Variants in ADAMTS9 observed in about 807,000 individuals in gnomAD.
ADAMTS9 encodes ADAM metallopeptidase with thrombospondin type 1 motif 9.
In ADAMTS9, 107 loss-of-function variants were observed where a neutral mutation model predicts 257.1. The observed-to-expected ratio is 0.42, with a 90% CI of 0.36 to 0.49. ADAMTS9 has a LOEUF of 0.49. Among genes scored for constraint, ADAMTS9 ranks in the 20% least tolerant of loss-of-function variants. The probability of loss-of-function intolerance (pLI) is 0.03; values close to 1 mark genes in which losing one functional copy is unlikely to be tolerated. For missense variants in ADAMTS9, 2,353 were observed against 2,469.1 expected, an observed-to-expected ratio of 0.95 and a Z score of 1.00; for synonymous variants, 982 against 880.9, an observed-to-expected ratio of 1.11 and a Z score of -2.03.
At position 64,686,453 on chromosome 3, in the gene ADAMTS9, C is replaced by G. The variant is rs944284478; in HGVS notation, c.516+115G>C. 12 of 1,353,468 alleles carry G rather than the reference C, an allele frequency of 8.9e-6. No homozygotes were observed. In the East Asian group the frequency reaches 1.5e-4, roughly 17 times the overall value. The allele number at this position is 1,353,468 out of a possible 1,614,324, so 83.8% of individuals were successfully genotyped here. A position where few individuals can be genotyped will look rare whatever the true frequency, so the allele number is the denominator to read the frequency against. On this transcript the variant is annotated intron_variant, in intron 2 of 39. Coordinates refer to ENST00000498707, the MANE Select transcript of ADAMTS9 (RefSeq NM_182920.2). This position sits in a 1 kb window ranked among gnomAD's most constrained non-coding sequence, Gnocchi z 4.6. ...CGAGTTTCTAGCTGATATTTAACGC[C>G]GGAGAGGAGCGGAGCCTCGCCACAG...
At chr3:64,602,878 C>T (rs2084490640) in intron 25 of ADAMTS9, among the ~76,000 whole-genome samples, 1 of 152,144 alleles carries the variant, frequency 6.6e-6, no homozygotes, top group South Asian at 2.1e-4. Flanking sequence ...GGAATAATCT[C>T]CATGAAGGTA....
At chr3:64,527,399 CT>C (rs1266149807) in intron 38 of ADAMTS9, among the ~76,000 whole-genome samples, 1 of 152,008 alleles carries the variant, frequency 6.6e-6, no homozygotes, top group African/African-American at 2.4e-5. Flanking sequence ...ACCAGCATAC[CT>C]TTGACTGGAG....
intron 26 of ADAMTS9, among the ~76,000 whole-genome samples, chr3:64,599,318 G>T (rs1459266018): frequency 2.6e-5 from 4 of 152,156 alleles, no homozygotes; most frequent in Non-Finnish European, 5.9e-5. Context: ...CAAAGTCCCT[G>T]TCCTCTTTAA....
intron 19 of ADAMTS9, among the ~76,000 whole-genome samples, chr3:64,617,717 T>C (rs556531487): frequency 4.9e-4 from 74 of 152,302 alleles, no homozygotes; most frequent in African/African-American, 1.7e-3. Context: ...CAAAAGGTTT[T>C]ATATATTACA....
At chr3:64,584,750 C>G (rs979064178) in intron 28 of ADAMTS9, among the ~76,000 whole-genome samples, 1 of 151,986 alleles carries the variant, frequency 6.6e-6, no homozygotes, top group Admixed American at 6.6e-5. Context: ...ACATTTGCTC[C>G]CCCCATCTCT....
At chr3:64,567,080 A>C (rs11922495) in intron 29 of ADAMTS9, among the ~76,000 whole-genome samples, 2,972 of 152,308 alleles carry the variant, frequency 0.02, 103 homozygotes, top group African/African-American at 0.068. Flanking sequence ...GCATGAGGCC[A>C]CTGCCCTGAG....
In ADAMTS9 at chr3:64,604,080, T is replaced by A; in HGVS notation, c.3589A>T (p.Thr1197Ser). The A allele has an allele frequency of 6.2e-7, 1 of 1,614,002 alleles. No homozygotes were observed. Among genetic ancestry groups the A allele is most frequent in the Non-Finnish European group, 8.5e-7 (1 of 1,179,964 alleles). Reference sequence around the variant, plus strand: ...CTCATCCGGGTACCTTTCCCACAAGTGGCTGAGCACTGGGTGTTGGAGTAA... The same window carrying A: ...CTCATCCGGGTACCTTTCCCACAAGAGGCTGAGCACTGGGTGTTGGAGTAA... ...RFGSWTPCSA[T>S]CGKGTRMRYV... The change falls in exon 25 of 40, where the codon ACT becomes TCT. Residue 1197 changes from threonine to serine, a missense_variant. Thr to Ser is a moderately conservative substitution (Grantham distance 58). Around this residue, in one of 3 missense-constraint regions of ADAMTS9, gnomAD observed 1,402 missense variants for 1,441.4 expected, o/e 0.97. Transcript: ENST00000498707.
chr3:64,537,663 G>C (rs769646109), intron 37 of ADAMTS9, among the ~76,000 whole-genome samples: 8 of 152,032 alleles, frequency 5.3e-5, no homozygotes, highest in Non-Finnish European at 1.2e-4. Context: ...ATCCTATGGA[G>C]ACAGGGCTTG....
intron 14 of ADAMTS9, among the ~76,000 whole-genome samples, chr3:64,632,605 T>C (rs906797833): frequency 3.9e-5 from 6 of 152,188 alleles, no homozygotes; most frequent in African/African-American, 1.4e-4. Context: ...CTCTGAAACA[T>C]ACACTGACAA....
At chr3:64,600,592 T>C (rs986244725) in intron 26 of ADAMTS9, among the ~76,000 whole-genome samples, 6 of 152,250 alleles carry the variant, frequency 3.9e-5, no homozygotes, top group African/African-American at 9.6e-5. Flanking sequence ...GTTTTGAATT[T>C]TGTCAACAAG....
At chr3:64,622,086 C>G in intron 18 of ADAMTS9, 112 bp downstream of exon 18, 1 of 1,120,136 alleles carries the variant, frequency 8.9e-7, no homozygotes, top group Non-Finnish European at 1.2e-6. Context: ...GATTAGAGAA[C>G]GTATGCAGAT....
intron 37 of ADAMTS9, 118 bp from the exon 38 acceptor site, chr3:64,533,388 G>T: frequency 1.3e-6 from 1 of 755,086 alleles, no homozygotes; most frequent in East Asian, 2.5e-5. Context: ...GATTAATTGT[G>T]ATAGCTACTA....
chr3:64,631,795 A>G lies in ADAMTS9; in HGVS notation c.2293+13T>C. Reference sequence around the variant, plus strand: ...CATATTCCTTCTCATGGTTCTTAGGAGCAGATTCTTACCATAATGTACTGT... The same window carrying G: ...CATATTCCTTCTCATGGTTCTTAGGGGCAGATTCTTACCATAATGTACTGT... On this transcript the variant is annotated intron_variant, in intron 15 of 39. Coordinates refer to ENST00000498707, the MANE Select transcript of ADAMTS9 (RefSeq NM_182920.2). The G allele has an allele frequency of 6.3e-7, 1 of 1,594,704 alleles. No homozygotes were observed. The highest frequency in any genetic ancestry group is 8.6e-7 in the Non-Finnish European group (1 of 1,163,668).
intron 32 of ADAMTS9, among the ~76,000 whole-genome samples, chr3:64,545,865 G>A (rs1474991553): frequency 2.0e-5 from 3 of 152,114 alleles, no homozygotes; most frequent in Non-Finnish European, 4.4e-5. Flanking sequence ...CAAAGTGCTG[G>A]GATTACAGGT....
intron 11 of ADAMTS9, among the ~76,000 whole-genome samples, chr3:64,643,581 T>C (rs572619894): frequency 6.6e-6 from 1 of 150,766 alleles, no homozygotes; most frequent in East Asian, 2.0e-4. Flanking sequence ...GCCTCCCAAG[T>C]AGCTGGGACC....
rs552720585 is a variant in ADAMTS9, at chr3:64,659,407, G to A, written c.680-616C>T. 1.1e-4 allele frequency among the ~76,000 whole-genome samples: 17 copies of A among 150,152 alleles called. No homozygotes were observed. In the South Asian group the frequency reaches 3.6e-3, roughly 32 times the overall value. The stretch of plus-strand genomic sequence containing the variant: ...TGCTTGAACCCAGGAGGCAGAGCCT[G>A]ACGTGAGTTTAGATTGTGCTACTGC... On this transcript the variant is annotated intron_variant, in intron 3 of 39. Coordinates refer to ENST00000498707, the MANE Select transcript of ADAMTS9 (RefSeq NM_182920.2).
chr3:64,640,396 G>A (rs375495350), intron 12 of ADAMTS9, among the ~76,000 whole-genome samples: 34 of 152,186 alleles, frequency 2.2e-4, no homozygotes, highest in East Asian at 1.4e-3. Flanking sequence ...TCTCACTGCC[G>A]AACAATCAGC....
chr3:64,553,913 T>C lies in ADAMTS9; in HGVS notation c.4699-2851A>G, dbSNP rs148149480. ...TAGAAAAAAAGTGTTTTTTTCATCA[T>C]TAAAAAGGTGAGATAGAGGGCCACC... On this transcript the variant is annotated intron_variant, in intron 30 of 39. Transcript: ENST00000498707. 8.5e-5 allele frequency among the ~76,000 whole-genome samples: 13 copies of C among 152,074 alleles called. No individual in the cohort carries two copies. The East Asian group carries it at 2.5e-3, about 29-fold the overall frequency.
At chr3:64,542,046 A>T (rs2083130875) in intron 32 of ADAMTS9, 76 bp from the exon 33 acceptor site, 1 of 1,580,806 alleles carries the variant, frequency 6.3e-7, no homozygotes, top group African/African-American at 1.4e-5. Context: ...TGGAGCTCAG[A>T]GCCCTGATGT....
Sources: gnomAD v4.1 joint callset for allele counts (sites outside exome capture counted in the v4.1 genomes callset) on GRCh38, gnomAD v4.1.1 for gene constraint, gnomAD v4.1.1 regional missense constraint, Gnocchi (gnomAD v3.1) non-coding constraint, MANE v1.5 for transcripts, NCBI Gene and HGNC (gene_info 2026-07-23, HGNC 2026-07-21) for gene names.